The following ANKRD10 variants were observed in gnomAD, a reference collection of about 807,000 sequenced individuals.
The protein encoded by ANKRD10 is ankyrin repeat domain-containing protein 10.
Under a neutral mutation model 27.0 loss-of-function variants are expected in ANKRD10, and 14 were observed. That is an observed-to-expected ratio of 0.52 (90% confidence interval 0.34 to 0.81). The LOEUF is 0.81. ANKRD10 is among the 40% of genes least tolerant of loss of function. The pLI is 0.01. For missense variants in ANKRD10, 493 were observed against 544.0 expected (o/e 0.91, Z 0.93); for synonymous variants, 250 against 224.5 (o/e 1.11, Z -1.01).
chr13:110,914,031 T>G (rs1189757717), intron 1 of ANKRD10, among the ~76,000 whole-genome samples: 1 of 152,220 alleles, frequency 6.6e-6, no homozygotes, highest in Non-Finnish European at 1.5e-5. Flanking sequence ...TGCAGTAATT[T>G]AGATCCAAGA....
At chr13:110,890,328 A>AC (rs1254738320) in intron 4 of ANKRD10, among the ~76,000 whole-genome samples, 3 of 152,306 alleles carry the variant, frequency 2.0e-5, no homozygotes, top group South Asian at 2.1e-4. Context: ...CCAATACCCG[A>AC]CATCAGCACT....
At chr13:110,900,191 C>A (rs2065345726) in intron 3 of ANKRD10, among the ~76,000 whole-genome samples, 2 of 152,204 alleles carry the variant, frequency 1.3e-5, no homozygotes, top group Admixed American at 1.3e-4. Context: ...ACTTATAGTG[C>A]CACAATTCCA....
intron 3 of ANKRD10, among the ~76,000 whole-genome samples, chr13:110,902,049 GAAAAAAAAAA>G (rs10656736): frequency 4.3e-5 from 5 of 115,418 alleles, no homozygotes; most frequent in African/African-American, 1.0e-4. Flanking sequence ...TCTCTTTTTA[GAAAAAAAAAA>G]AAAAAAAAAA....
intron 2 of ANKRD10, among the ~76,000 whole-genome samples, chr13:110,908,120 T>A (rs2065590267): frequency 2.0e-5 from 3 of 152,098 alleles, no homozygotes; most frequent in African/African-American, 7.2e-5. Context: ...CTCAGCCCAG[T>A]CACATCGCAG....
At chr13:110,898,657 C>A (rs2065293426) in intron 3 of ANKRD10, among the ~76,000 whole-genome samples, 1 of 152,074 alleles carries the variant, frequency 6.6e-6, no homozygotes, top group Non-Finnish European at 1.5e-5. Flanking sequence ...GTAGCCTCGT[C>A]TACCTCCTGG....
chr13:110,911,293 T>C (rs1379411980), intron 1 of ANKRD10, among the ~76,000 whole-genome samples: 3 of 146,392 alleles, frequency 2.0e-5, no homozygotes, highest in East Asian at 2.1e-4. Flanking sequence ...CTACTAAAAA[T>C]ACAAAAAAAT....
chr13:110,890,108 A>C (rs2065035657), intron 4 of ANKRD10, among the ~76,000 whole-genome samples: 1 of 152,222 alleles, frequency 6.6e-6, no homozygotes, highest in African/African-American at 2.4e-5. Flanking sequence ...AGATTAAGCA[A>C]AACTTAAAAC....
intron 3 of ANKRD10, chr13:110,905,361 T>TAC (rs1420624286): frequency 3.3e-5 from 5 of 152,196 alleles, no homozygotes; most frequent in Non-Finnish European, 5.9e-5. Flanking sequence ...TCTAAAAGAC[T>TAC]ACACGTAAAC....
intron 2 of ANKRD10, among the ~76,000 whole-genome samples, chr13:110,906,984 G>C (rs1318615347): frequency 2.6e-5 from 4 of 152,152 alleles, no homozygotes; most frequent in African/African-American, 9.7e-5. Flanking sequence ...AAGCAAGAGA[G>C]GGGAAAGGCA....
At chr13:110,901,244 G>C (rs1413866439) in intron 3 of ANKRD10, among the ~76,000 whole-genome samples, 4 of 152,062 alleles carry the variant, frequency 2.6e-5, no homozygotes, top group Non-Finnish European at 4.4e-5. Context: ...ATTTAATTAT[G>C]AAGACTTTCT....
chr13:110,894,063 G>T, intron 3 of ANKRD10: 1 of 1,331,448 alleles, frequency 7.5e-7, no homozygotes, highest in Non-Finnish European at 1.1e-6. Flanking sequence ...TGATGGCAGA[G>T]TAAGTGAAAG....
intron 4 of ANKRD10, among the ~76,000 whole-genome samples, chr13:110,887,498 T>C (rs1363976975): frequency 6.6e-6 from 1 of 152,108 alleles, no homozygotes; most frequent in Non-Finnish European, 1.5e-5. Flanking sequence ...CATGTAAGGC[T>C]TAGGAAAAAT....
intron 3 of ANKRD10, chr13:110,894,263 A>G: frequency 9.3e-7 from 1 of 1,075,496 alleles, no homozygotes; most frequent in Non-Finnish European, 1.4e-6. Flanking sequence ...GAAGTACTTA[A>G]CAGCAAAGAC....
At chr13:110,889,275 CA>C (rs1033705278) in intron 4 of ANKRD10, among the ~76,000 whole-genome samples, 1 of 152,020 alleles carries the variant, frequency 6.6e-6, no homozygotes, top group African/African-American at 2.4e-5. Flanking sequence ...AAAACAACAA[CA>C]AAAAAATTAA....
intron 2 of ANKRD10, among the ~76,000 whole-genome samples, chr13:110,908,118 A>G (rs866260029): frequency 6.6e-6 from 1 of 152,228 alleles, no homozygotes; most frequent in Middle Eastern, 3.2e-3. Flanking sequence ...AGCTCAGCCC[A>G]GTCACATCGC....
At chr13:110,892,886 T>C in intron 4 of ANKRD10, 142 bp downstream of exon 4, 1 of 1,443,106 alleles carries the variant, frequency 6.9e-7, no homozygotes. Context: ...AGGAGAAATC[T>C]CCACCGTCAC....
At chr13:110,895,697 T>G (rs2065208419) in intron 3 of ANKRD10, among the ~76,000 whole-genome samples, 1 of 152,198 alleles carries the variant, frequency 6.6e-6, no homozygotes, top group Non-Finnish European at 1.5e-5. Flanking sequence ...ATTCCTTTAT[T>G]CCTTATTCAG....
In ANKRD10 at chr13:110,886,728, G is replaced by C. The variant is rs577366591; in HGVS notation, c.692-2935C>G. Among the ~76,000 whole-genome samples, 84 of 152,262 alleles carry C rather than the reference G, an allele frequency of 5.5e-4. 1 individual carries two copies. The highest frequency in any genetic ancestry group is 2.0e-3 in the African/African-American group (83 of 41,558). ...AATCATTTAATTACACCTTGCATTTGAGAAGGGTGGCCTGTACAGACATTT... is the reference window on the plus strand; with the variant it reads ...AATCATTTAATTACACCTTGCATTTCAGAAGGGTGGCCTGTACAGACATTT... On this transcript the variant is annotated intron_variant, in intron 4 of 5. Transcript: ENST00000267339.
At chr13:110,896,051 G>T (rs1487557537) in intron 3 of ANKRD10, among the ~76,000 whole-genome samples, 2 of 152,202 alleles carry the variant, frequency 1.3e-5, no homozygotes, top group African/African-American at 4.8e-5. Context: ...GACCAAGGAA[G>T]CAAGAACAAT....
Sources: allele counts gnomAD v4.1 joint callset (sites outside exome capture counted in the v4.1 genomes callset), GRCh38; gene constraint gnomAD v4.1.1; transcripts MANE v1.5; gene names NCBI Gene and HGNC (gene_info 2026-07-23, HGNC 2026-07-21).